NFIC: variants seen among roughly 807,000 people sequenced by gnomAD.
The protein encoded by NFIC is nuclear factor I C, also known as nuclear factor 1 C-type.
Under a neutral mutation model 54.4 loss-of-function variants are expected in NFIC, and 12 were observed. The ratio of observed to expected loss-of-function variants is 0.22; its 90% CI spans 0.14 to 0.36. The LOEUF (loss-of-function observed/expected upper bound fraction) is 0.36, where lower values mean the gene tolerates loss of function less well. NFIC is among the 10% of genes least tolerant of loss of function. The pLI is 1.00. For synonymous variants in NFIC, 322 were observed against 319.2 expected, an observed-to-expected ratio of 1.01 and a Z score of -0.09; for missense variants, 575 against 718.2, an observed-to-expected ratio of 0.80 and a Z score of 2.28.
At chr19:3,409,552 C>T (rs978929169) in intron 2 of NFIC, among the ~76,000 whole-genome samples, 5 of 151,666 alleles carry the variant, frequency 3.3e-5, no homozygotes, top group Non-Finnish European at 5.9e-5. Flanking sequence ...ACACCTGTTC[C>T]GTGAGTGCCG....
In NFIC at chr19:3,371,998, C is replaced by CCTCTCTCTCTCTCTCTCTCTCT. The variant is rs56852086; in HGVS notation, c.30+5356_30+5377dup. Among the ~76,000 whole-genome samples, 14 of 35,414 alleles carry CCTCTCTCTCTCTCTCTCTCTCT rather than the reference C, an allele frequency of 4.0e-4. 2 individuals carry two copies. Among genetic ancestry groups the CCTCTCTCTCTCTCTCTCTCTCT allele is most frequent in the Admixed American group, 8.6e-4 (2 of 2,334 alleles). The allele number at this position is 35,414 out of a possible 152,430, so 23.2% of individuals were successfully genotyped here. A position where few individuals can be genotyped will look rare whatever the true frequency, so the allele number is the denominator to read the frequency against. Reference sequence around the variant, plus strand: ...CTTTCTCTCTCTCTCCCTCTCTCTCCCTCTCTCTCTCTCTCTCTCTCTCTC... The same window carrying CCTCTCTCTCTCTCTCTCTCTCT: ...CTTTCTCTCTCTCTCCCTCTCTCTCCCTCTCTCTCTCTCTCTCTCTCTCTCTCTCTCTCTCTCTCTCTCTCTC... On this transcript the variant is annotated intron_variant, in intron 1 of 10. Coordinates refer to ENST00000443272, the MANE Select transcript of NFIC (RefSeq NM_001245002.2).
In NFIC at chr19:3,375,046, A is replaced by T. The variant is rs1020045577; in HGVS notation, c.31-6666A>T. On this transcript the variant is annotated intron_variant, in intron 1 of 10. Coordinates refer to ENST00000443272, the MANE Select transcript of NFIC (RefSeq NM_001245002.2). This position sits in a 1 kb window ranked among gnomAD's most constrained non-coding sequence, Gnocchi z 4.6. ...ATAGAGAAGGGAGGGACAGTTAGGGAGGAGGAAGGGAACTCAGATCTACGA... is the reference window on the plus strand; with the variant it reads ...ATAGAGAAGGGAGGGACAGTTAGGGTGGAGGAAGGGAACTCAGATCTACGA... 1.3e-5 allele frequency among the ~76,000 whole-genome samples: 2 copies of T among 149,306 alleles called. No individual in the cohort carries two copies. The highest frequency in any genetic ancestry group is 1.5e-5 in the Non-Finnish European group (1 of 67,482).
Position 3,459,777 on chromosome 19 carries a change from G to A in NFIC, c.1510-2975G>A, listed in dbSNP as rs1024294452. Among the ~76,000 whole-genome samples the A allele has an allele frequency of 2.6e-5, 4 of 152,260 alleles. No homozygotes were observed. Among genetic ancestry groups the A allele is most frequent in the African/African-American group, 9.6e-5 (4 of 41,470 alleles). On this transcript the variant is annotated intron_variant, in intron 10 of 10. Transcript: ENST00000443272. The surrounding 1 kb of genome is among the most constrained non-coding windows in gnomAD (Gnocchi z 4.2). ...AAACCAGACATGAGGTAATGGCCAAGATGAACTTGAACTTGGCTGGAGGTG... is the reference window on the plus strand; with the variant it reads ...AAACCAGACATGAGGTAATGGCCAAAATGAACTTGAACTTGGCTGGAGGTG...
chr19:3,453,701 G>T lies in NFIC; in HGVS notation c.1270-62G>T. On this transcript the variant is annotated intron_variant, in intron 8 of 10. Coordinates refer to ENST00000443272, the MANE Select transcript of NFIC (RefSeq NM_001245002.2). The surrounding 1 kb of genome is among the most constrained non-coding windows in gnomAD (Gnocchi z 6.7). ...GTGCACAGAGCCGGGGGCGGCCGGC[G>T]CCAGCAGCCCGAGGTAGAGGGGGAG... The T allele has an allele frequency of 6.5e-7, 1 of 1,527,780 alleles. No homozygotes were observed. Among genetic ancestry groups the T allele is most frequent in the Admixed American group, 2.4e-5 (1 of 41,724 alleles). 94.6% of individuals were successfully genotyped at this position (1,527,780 alleles called of 1,614,324 possible). A position where few individuals can be genotyped will look rare whatever the true frequency, so the allele number is the denominator to read the frequency against.
In NFIC at chr19:3,369,204, CTGTT is replaced by C. The variant is rs2080953352; in HGVS notation, c.30+2540_30+2543del. On this transcript the variant is annotated intron_variant, in intron 1 of 10. Transcript: ENST00000443272. The surrounding 1 kb of genome is among the most constrained non-coding windows in gnomAD (Gnocchi z 4.3). Reference sequence around the variant, plus strand: ...GTGTGTCTGTCCGATGTGTCTCTGTCTGTTTCTCTGTCTCTGTCTCTCTGCCCCC... The same window carrying C: ...GTGTGTCTGTCCGATGTGTCTCTGTCTCTCTGTCTCTGTCTCTCTGCCCCC... Among the ~76,000 whole-genome samples, 3 of 152,016 alleles carry C rather than the reference CTGTT, an allele frequency of 2.0e-5. No homozygotes were observed. The highest frequency in any genetic ancestry group is 4.4e-5 in the Non-Finnish European group (3 of 67,938).
At chr19:3,405,940 C>CA (rs371735657) in intron 2 of NFIC, among the ~76,000 whole-genome samples, 28 of 151,642 alleles carry the variant, frequency 1.8e-4, no homozygotes, top group African/African-American at 6.0e-4. Flanking sequence ...TTTTTTGAAA[C>CA]AGAGTCCTCC....
At position 3,439,333 on chromosome 19, in the gene NFIC, CAAAAAAAAAAAAAAAAAA is replaced by C. The variant is rs539916342; in HGVS notation, c.958+4151_958+4168del. Reference sequence around the variant, plus strand: ...GGGGCAACAGAGAAAGACCCTGTCTCAAAAAAAAAAAAAAAAAAAAAAAAAAAAAAAAAAAAAAAAAAG... The same window carrying C: ...GGGGCAACAGAGAAAGACCCTGTCTCAAAAAAAAAAAAAAAAAAAAAAAAG... On this transcript the variant is annotated intron_variant, in intron 6 of 10. Coordinates refer to ENST00000443272, the MANE Select transcript of NFIC (RefSeq NM_001245002.2). 5.6e-3 allele frequency among the ~76,000 whole-genome samples: 131 copies of C among 23,292 alleles called. 1 individual carries two copies. The highest frequency in any genetic ancestry group is 7.5e-3 in the Non-Finnish European group (89 of 11,934). 15.3% of individuals were successfully genotyped at this position (23,292 alleles called of 152,430 possible). A position where few individuals can be genotyped will look rare whatever the true frequency, so the allele number is the denominator to read the frequency against.
intron 2 of NFIC, among the ~76,000 whole-genome samples, chr19:3,384,411 T>C (rs2081260675): frequency 6.7e-6 from 1 of 150,326 alleles, no homozygotes; most frequent in South Asian, 2.1e-4. Context: ...TTTTTGGAGA[T>C]GGAGTTTCGC....
chr19:3,394,513 T>TCCCCCCCCG (rs1192475558), intron 2 of NFIC, among the ~76,000 whole-genome samples: 1 of 9,004 alleles, frequency 1.1e-4, no homozygotes, highest in African/African-American at 3.9e-4. Flanking sequence ...TTATGATCTT[T>TCCCCCCCCG]TCCCCACCCA....
rs988755994 is a variant in NFIC, at chr19:3,369,966, G to A, written c.30+3300G>A. Among the ~76,000 whole-genome samples, 2 of 152,182 alleles carry A rather than the reference G, an allele frequency of 1.3e-5. No homozygotes were observed. The highest frequency in any genetic ancestry group is 1.3e-4 in the Admixed American group (2 of 15,286). ...TCTCCAGCAGGGTAACCGAGGCTGG[G>A]AGAGGCTGTCCTCCCACCCCAGACC... On this transcript the variant is annotated intron_variant, in intron 1 of 10. Transcript: ENST00000443272. The surrounding 1 kb of genome is among the most constrained non-coding windows in gnomAD (Gnocchi z 4.3).
intron 6 of NFIC, among the ~76,000 whole-genome samples, chr19:3,437,870 T>A (rs1417798643): frequency 6.6e-6 from 1 of 151,582 alleles, no homozygotes. Flanking sequence ...GTAGAGACGG[T>A]TTTTACTATG....
chr19:3,361,847 T>TAC (rs57358755), upstream of NFIC, among the ~76,000 whole-genome samples: 5,037 of 150,902 alleles, frequency 0.033, 257 homozygotes, highest in African/African-American at 0.11. Flanking sequence ...CAGTCATAGT[T>TAC]ACACACACAC....
rs1243544570 is a variant in NFIC at position 3,467,771 on chromosome 19, A to ATATATATG, written c.*5009_*5010insGTATATAT. 4.5e-5 allele frequency: 6 copies of ATATATATG among 132,594 alleles called. No homozygotes were observed. Among genetic ancestry groups the ATATATATG allele is most frequent in the Admixed American group, 2.2e-4 (3 of 13,520 alleles). The allele number at this position is 132,594 out of a possible 1,614,324, so 8.2% of individuals were successfully genotyped here. On this transcript the variant is annotated 3_prime_UTR_variant, in exon 11 of 11. Transcript: ENST00000443272. ...GGCTATACTATACATATATATATATATATATATATATATATATAATTTTGG... is the reference window on the plus strand; with the variant it reads ...GGCTATACTATACATATATATATATATATATATGTATATATATATATATATAATTTTGG...
upstream of NFIC, among the ~76,000 whole-genome samples, chr19:3,364,358 G>A (rs995106661): frequency 3.9e-5 from 6 of 152,232 alleles, no homozygotes; most frequent in African/African-American, 9.6e-5. Context: ...AGCTGGCGTC[G>A]CCCCATTTCA....
chr19:3,455,662 T>G (rs757357815), intron 9 of NFIC, among the ~76,000 whole-genome samples: 8 of 151,196 alleles, frequency 5.3e-5, no homozygotes, highest in Admixed American at 2.6e-4. Context: ...CAGTAGACAC[T>G]TAATAGATGC....
intron 2 of NFIC, among the ~76,000 whole-genome samples, chr19:3,394,383 G>A (rs1309389464): frequency 6.6e-6 from 1 of 152,056 alleles, no homozygotes; most frequent in Non-Finnish European, 1.5e-5. Flanking sequence ...AGGAGGCTGA[G>A]GTGGGAAGAT....
At chr19:3,440,868 G>A (rs2082283738) in intron 6 of NFIC, among the ~76,000 whole-genome samples, 1 of 152,138 alleles carries the variant, frequency 6.6e-6, no homozygotes. Context: ...GACTTGCTCT[G>A]TCGCCCAGGA....
intron 4 of NFIC, 52 bp from the exon 5 acceptor site, chr19:3,434,225 C>A (rs577923141): frequency 6.4e-7 from 1 of 1,572,692 alleles, no homozygotes; most frequent in Non-Finnish European, 8.6e-7. Context: ...TAAAGCAAAC[C>A]GCAGCACTGG....
intron 2 of NFIC, among the ~76,000 whole-genome samples, chr19:3,394,701 C>G (rs1300596486): frequency 6.6e-6 from 1 of 151,710 alleles, no homozygotes; most frequent in Admixed American, 6.6e-5. Flanking sequence ...GGAACCTGGC[C>G]ACTCAGCAGG....
Sources: allele counts gnomAD v4.1 joint callset (sites outside exome capture counted in the v4.1 genomes callset), GRCh38; gene constraint gnomAD v4.1.1; non-coding constraint Gnocchi (gnomAD v3.1); transcripts MANE v1.5; gene names NCBI Gene and HGNC (gene_info 2026-07-23, HGNC 2026-07-21).